The following GLIS1 variants were observed in gnomAD, a reference collection of about 807,000 sequenced individuals.
The protein encoded by GLIS1 is GLIS family zinc finger 1.
A neutral mutation model predicts 63.8 loss-of-function variants in GLIS1; 24 were observed. That is an observed-to-expected ratio of 0.38 (90% CI 0.27 to 0.53). GLIS1 has a LOEUF of 0.53. Ranked by LOEUF, GLIS1 falls within the 20% of genes least tolerant of loss-of-function variation. The pLI is 0.85. For synonymous variants in GLIS1, 450 were observed against 482.5 expected (o/e 0.93, Z 0.88); for missense variants, 1,036 against 1,074.1 (o/e 0.96, Z 0.50).
At chr1:53,674,039 G>C (rs1436450659) in intron 2 of GLIS1, among the ~76,000 whole-genome samples, 2 of 152,080 alleles carry the variant, frequency 1.3e-5, no homozygotes, top group East Asian at 1.9e-4. Context: ...GGGCATGGGG[G>C]CACGCGCCTG....
intron 4 of GLIS1, among the ~76,000 whole-genome samples, chr1:53,554,240 C>A (rs1056108443): frequency 1.3e-5 from 2 of 152,198 alleles, no homozygotes; most frequent in Non-Finnish European, 1.5e-5. Context: ...TCATGACAAC[C>A]TCCTCTTGAC....
intron 2 of GLIS1, among the ~76,000 whole-genome samples, chr1:53,702,017 A>G (rs1057394552): frequency 2.0e-5 from 3 of 151,314 alleles, no homozygotes; most frequent in Non-Finnish European, 4.4e-5. Context: ...AAAAAAAAAA[A>G]AAAAAGAAAG....
intron 2 of GLIS1, among the ~76,000 whole-genome samples, 173 bp from the exon 3 acceptor site, chr1:53,600,451 C>G (rs1292257261): frequency 6.6e-6 from 1 of 152,110 alleles, no homozygotes; most frequent in Non-Finnish European, 1.5e-5. Context: ...ATTCCCACAA[C>G]CACCAGCAGG....
chr1:53,734,220 T>C, intron 2 of GLIS1: 9 of 954,208 alleles, frequency 9.4e-6, no homozygotes, highest in Non-Finnish European at 1.1e-5. Flanking sequence ...GCCCAGTGAG[T>C]CACTGTAAAT....
At chr1:53,655,213 T>TA (rs1645951783) in intron 2 of GLIS1, among the ~76,000 whole-genome samples, 1 of 152,132 alleles carries the variant, frequency 6.6e-6, no homozygotes, top group Non-Finnish European at 1.5e-5. Flanking sequence ...ACACCTTACT[T>TA]AAAAACCTCC....
Position 53,509,985 on chromosome 1 carries a change from C to T in GLIS1, c.1926G>A (p.Lys642=), listed in dbSNP as rs1404603292. ...GGGGCAGCGGCGGTGGCCCCAGCCC[C>T]TTCAGGGGGCTGACTATTGGTGAGA... is the stretch of plus-strand genomic sequence containing the variant. The part of the protein sequence containing the change: ...GLLSPIVSPL[K]GLGPPPLPPS... The change falls in exon 9 of 11, where the codon AAG becomes AAA. Residue 642 remains lysine (K), a synonymous_variant. Coordinates refer to ENST00000628545, the MANE Select transcript of GLIS1 (RefSeq NM_001367484.1). 2 of 1,287,510 alleles carry T rather than the reference C, an allele frequency of 1.6e-6. No individual in the cohort carries two copies. The highest frequency in any genetic ancestry group is 7.2e-5 in the South Asian group (2 of 27,930). 79.8% of individuals were successfully genotyped at this position (1,287,510 alleles called of 1,614,324 possible).
intron 2 of GLIS1, among the ~76,000 whole-genome samples, chr1:53,684,200 A>G (rs1036045683): frequency 4.6e-5 from 7 of 152,010 alleles, no homozygotes; most frequent in African/African-American, 1.7e-4. Context: ...CACCCCCAAG[A>G]TCTCTGCAGT....
At chr1:53,730,486 G>T (rs1343495107) in intron 2 of GLIS1, among the ~76,000 whole-genome samples, 6 of 152,152 alleles carry the variant, frequency 3.9e-5, no homozygotes, top group African/African-American at 1.4e-4. Context: ...TTTCAAGTCA[G>T]GTTTATAGTA....
intron 8 of GLIS1, among the ~76,000 whole-genome samples, chr1:53,514,129 G>A (rs748232623): frequency 6.6e-6 from 1 of 152,220 alleles, no homozygotes; most frequent in Non-Finnish European, 1.5e-5. Context: ...TGATCCTGAA[G>A]TAAAGGCTCC....
intron 8 of GLIS1, among the ~76,000 whole-genome samples, chr1:53,510,699 C>T (rs1370938949): frequency 1.3e-5 from 2 of 152,212 alleles, no homozygotes; most frequent in Non-Finnish European, 2.9e-5. Context: ...TTAGCCACTC[C>T]ATCAATCATC....
At position 53,506,378 on chromosome 1, in the gene GLIS1, A is replaced by T. The variant is rs957465036; in HGVS notation, c.*241T>A. 3.9e-6 allele frequency: 2 copies of T among 508,688 alleles called. No homozygotes were observed. The highest frequency in any genetic ancestry group is 7.3e-5 in the South Asian group (2 of 27,328). 31.5% of individuals were successfully genotyped at this position (508,688 alleles called of 1,614,324 possible). A position where few individuals can be genotyped will look rare whatever the true frequency, so the allele number is the denominator to read the frequency against. On this transcript the variant is annotated 3_prime_UTR_variant, in exon 11 of 11. Coordinates refer to ENST00000628545, the MANE Select transcript of GLIS1 (RefSeq NM_001367484.1). ...CTGCGGGGAGGAACGGGAAGACAAG[A>T]TCGAGGGAATGTTACAGGGCCACAG...
At chr1:53,719,747 G>A (rs544698273) in intron 2 of GLIS1, among the ~76,000 whole-genome samples, 1 of 152,330 alleles carries the variant, frequency 6.6e-6, no homozygotes, top group African/African-American at 2.4e-5. Flanking sequence ...CTCAGACACT[G>A]TTGGTGGGAA....
intron 2 of GLIS1, among the ~76,000 whole-genome samples, chr1:53,636,938 C>T (rs759817057): frequency 7.2e-5 from 11 of 152,224 alleles, no homozygotes; most frequent in Non-Finnish European, 1.0e-4. Flanking sequence ...GTGGGCAGGA[C>T]GAGGTCTGAC....
chr1:53,674,171 C>CAAA (rs11297748), intron 2 of GLIS1, among the ~76,000 whole-genome samples: 5 of 94,098 alleles, frequency 5.3e-5, no homozygotes, highest in African/African-American at 1.7e-4. Flanking sequence ...GACTCTGTCT[C>CAAA]AAAAAAAAAA....
At chr1:53,564,868 A>C (rs1050395046) in intron 4 of GLIS1, among the ~76,000 whole-genome samples, 3 of 152,038 alleles carry the variant, frequency 2.0e-5, no homozygotes, top group Non-Finnish European at 4.4e-5. Context: ...AAATTTCAAC[A>C]CCTTTCTTTC....
intron 5 of GLIS1, among the ~76,000 whole-genome samples, chr1:53,527,968 AGGAG>A (rs1476656475): frequency 1.3e-5 from 2 of 152,142 alleles, no homozygotes; most frequent in Non-Finnish European, 2.9e-5. Flanking sequence ...AAATGCAGTA[AGGAG>A]GGAGGGAGGA....
At chr1:53,524,667 ATAC>A in intron 6 of GLIS1, 107 bp downstream of exon 6, 1 of 749,124 alleles carries the variant, frequency 1.3e-6, no homozygotes, top group Non-Finnish European at 2.4e-6. Flanking sequence ...GAACAGTGGC[ATAC>A]AGGGCGAGTG....
At chr1:53,663,992 C>G (rs1348932957) in intron 2 of GLIS1, among the ~76,000 whole-genome samples, 1 of 152,236 alleles carries the variant, frequency 6.6e-6, no homozygotes, top group Non-Finnish European at 1.5e-5. Flanking sequence ...CCCCTCCTGA[C>G]TGCTCTTGCC....
intron 2 of GLIS1, among the ~76,000 whole-genome samples, chr1:53,672,346 A>G (rs931347030): frequency 6.6e-6 from 1 of 152,118 alleles, no homozygotes; most frequent in Non-Finnish European, 1.5e-5. Context: ...ACGAAATGGA[A>G]CCATTCTACC....
Sources: allele counts gnomAD v4.1 joint callset (sites outside exome capture counted in the v4.1 genomes callset), GRCh38; gene constraint gnomAD v4.1.1; transcripts MANE v1.5; gene names NCBI Gene and HGNC (gene_info 2026-07-23, HGNC 2026-07-21).